ASB15: variants seen among roughly 807,000 people sequenced by gnomAD.
ASB15 encodes the protein ankyrin repeat and SOCS box containing 15.
ASB15 carries 54 observed loss-of-function variants against 58.0 expected under a neutral mutation model. That is an observed-to-expected ratio of 0.93 (90% CI 0.75 to 1.17). The LOEUF is 1.17. ASB15 is among the 50% of genes most tolerant of loss of function. The pLI, the probability that ASB15 is intolerant of heterozygous loss-of-function variation, is 0.00. For synonymous variants in ASB15, 249 were observed against 262.4 expected, an observed-to-expected ratio of 0.95 and a Z score of 0.50; for missense variants, 680 against 707.4, an observed-to-expected ratio of 0.96 and a Z score of 0.44.
chr7:123,582,200 G>C (rs1799252658), intron 1 of ASB15, among the ~76,000 whole-genome samples: 1 of 151,958 alleles, frequency 6.6e-6, no homozygotes, highest in Non-Finnish European at 1.5e-5. Flanking sequence ...AGACCACTTT[G>C]AGGGACAGGT....
chr7:123,635,346 C>A (rs1562944474), intron 11 of ASB15, among the ~76,000 whole-genome samples: 2 of 152,060 alleles, frequency 1.3e-5, no homozygotes, highest in South Asian at 4.1e-4. Flanking sequence ...TGTGTACTTT[C>A]TTTATTTTAT....
At chr7:123,619,179 C>CAAAAAAA (rs528943780) in intron 7 of ASB15, among the ~76,000 whole-genome samples, 18 of 55,258 alleles carry the variant, frequency 3.3e-4, no homozygotes, top group African/African-American at 9.5e-4. Context: ...GACGCCGTCT[C>CAAAAAAA]AAAAAAAAAA....
At chr7:123,607,207 A>G (rs528110550) in intron 2 of ASB15, among the ~76,000 whole-genome samples, 2 of 152,284 alleles carry the variant, frequency 1.3e-5, no homozygotes, top group East Asian at 1.9e-4. Context: ...AAGTTGGGGG[A>G]AAAATCCATC....
chr7:123,623,930 GA>G (rs1195432869), intron 7 of ASB15, among the ~76,000 whole-genome samples: 650 of 35,386 alleles, frequency 0.018, 12 homozygotes, highest in Admixed American at 0.036. Flanking sequence ...AAGAAAGAAA[GA>G]AAAGAAAGAA....
rs1333690089 is a variant in ASB15 at position 123,639,042 on chromosome 7, CTGAG to C, written c.*2067_*2070del. On this transcript the variant is annotated 3_prime_UTR_variant, in exon 12 of 12. Coordinates refer to ENST00000451215, the MANE Select transcript of ASB15 (RefSeq NM_001290258.2). The stretch of plus-strand genomic sequence containing the variant: ...ATGGTGAAATAATAGTTTTAAATTT[CTGAG>C]TGAGTTATGTAATCTTGTAATTATT... The C allele has an allele frequency of 2.0e-5, 3 of 152,010 alleles. No homozygotes were observed. The highest frequency in any genetic ancestry group is 2.1e-4 in the South Asian group (1 of 4,826). The allele number at this position is 152,010 out of a possible 1,614,324, so 9.4% of individuals were successfully genotyped here.
intron 1 of ASB15, among the ~76,000 whole-genome samples, chr7:123,595,141 C>T (rs1256111193): frequency 6.6e-6 from 1 of 152,194 alleles, no homozygotes; most frequent in East Asian, 1.9e-4. Context: ...TGACACTTAT[C>T]CTAAATGACA....
At chr7:123,575,060 C>CT (rs34567714) in intron 1 of ASB15, among the ~76,000 whole-genome samples, 30,966 of 133,554 alleles carry the variant, frequency 0.23, 3,626 homozygotes, top group African/African-American at 0.29. Context: ...GGTATGTTTC[C>CT]TTTTTTTTTT....
At position 123,623,850 on chromosome 7, in the gene ASB15, C is replaced by T. The variant is rs558997030; in HGVS notation, c.452-719C>T. ...TCGCACTCCAGCCTGAGCGACAGAG[C>T]GAGACTCTGTCTCAAAAAAAAAAAA... On this transcript the variant is annotated intron_variant, in intron 7 of 11. Transcript: ENST00000451215. Among the ~76,000 whole-genome samples the T allele has an allele frequency of 2.4e-5, 3 of 126,418 alleles. No individual in the cohort carries two copies. In the South Asian group the frequency reaches 8.4e-4, roughly 35 times the overall value. 82.9% of individuals were successfully genotyped at this position (126,418 alleles called of 152,430 possible).
At chr7:123,578,628 T>C (rs1393807480) in intron 1 of ASB15, among the ~76,000 whole-genome samples, 1 of 152,004 alleles carries the variant, frequency 6.6e-6, no homozygotes, top group Admixed American at 6.6e-5. Flanking sequence ...TATATACTCT[T>C]TTAATATCTG....
upstream of ASB15, among the ~76,000 whole-genome samples, chr7:123,601,151 G>A (rs907181207): frequency 6.6e-6 from 1 of 151,988 alleles, no homozygotes; most frequent in Non-Finnish European, 1.5e-5. Flanking sequence ...CAAATTTAAG[G>A]CAGACTATTT....
chr7:123,606,554 C>T (rs7807736), intron 2 of ASB15, among the ~76,000 whole-genome samples: 32,498 of 152,090 alleles, frequency 0.21, 3,677 homozygotes, highest in East Asian at 0.4. Flanking sequence ...ACTACAGTTA[C>T]ATTGTTGTAC....
intron 1 of ASB15, among the ~76,000 whole-genome samples, chr7:123,603,046 A>G (rs1328276705): frequency 6.6e-6 from 1 of 152,212 alleles, no homozygotes; most frequent in African/African-American, 2.4e-5. Context: ...TCACAGGTAA[A>G]CACTCAATAG....
intron 1 of ASB15, among the ~76,000 whole-genome samples, chr7:123,596,817 T>C (rs1799708420): frequency 6.6e-6 from 1 of 152,190 alleles, no homozygotes. Context: ...CAAATGCACA[T>C]GAAAAGATCA....
At chr7:123,636,719 C>T in intron 11 of ASB15, 90 bp from the exon 12 acceptor site, 1 of 1,092,180 alleles carries the variant, frequency 9.2e-7, no homozygotes. Flanking sequence ...TTTGAGAATA[C>T]ACTACTCATG....
chr7:123,603,150 A>C (rs1799968346), intron 1 of ASB15, among the ~76,000 whole-genome samples: 1 of 152,208 alleles, frequency 6.6e-6, no homozygotes, highest in South Asian at 2.1e-4. Flanking sequence ...CCTTAAAGAG[A>C]AATTGGTATT....
intron 3 of ASB15, among the ~76,000 whole-genome samples, chr7:123,610,954 T>C (rs900100358): frequency 6.6e-6 from 1 of 151,688 alleles, no homozygotes; most frequent in African/African-American, 2.4e-5. Flanking sequence ...TGGTGGCCGG[T>C]GCCTATAATC....
At chr7:123,583,952 G>A (rs909010105) in intron 1 of ASB15, among the ~76,000 whole-genome samples, 3 of 151,768 alleles carry the variant, frequency 2.0e-5, no homozygotes, top group Admixed American at 6.6e-5. Context: ...CACTCCTTTC[G>A]GCTGTAAATA....
intron 1 of ASB15, among the ~76,000 whole-genome samples, chr7:123,582,067 G>C (rs556342469): frequency 6.6e-6 from 1 of 152,040 alleles, no homozygotes; most frequent in South Asian, 2.1e-4. Flanking sequence ...CATCTATATT[G>C]TAATGGTAAA....
intron 1 of ASB15, among the ~76,000 whole-genome samples, chr7:123,572,554 T>C (rs1004171836): frequency 6.6e-6 from 1 of 152,128 alleles, no homozygotes; most frequent in Admixed American, 6.6e-5. Context: ...TAAAGATTGA[T>C]GTATCTTCTT....
Sources: allele counts gnomAD v4.1 joint callset (sites outside exome capture counted in the v4.1 genomes callset), GRCh38; gene constraint gnomAD v4.1.1; transcripts MANE v1.5; gene names NCBI Gene and HGNC (gene_info 2026-07-23, HGNC 2026-07-21).